The following ST8SIA1 variants were observed in gnomAD, a reference collection of about 807,000 sequenced individuals.
The protein encoded by ST8SIA1 is ST8 alpha-N-acetyl-neuraminide alpha-2,8-sialyltransferase 1.
In ST8SIA1, 16 loss-of-function variants were observed where a neutral mutation model predicts 35.9. The ratio of observed to expected loss-of-function variants is 0.45; its 90% CI spans 0.30 to 0.68. The LOEUF (loss-of-function observed/expected upper bound fraction) is 0.68, where lower values mean the gene tolerates loss of function less well. Among genes scored for constraint, ST8SIA1 ranks in the 30% least tolerant of loss-of-function variants. ST8SIA1 has a pLI of 0.09. For missense variants in ST8SIA1, 383 were observed against 453.6 expected, an observed-to-expected ratio of 0.84 and a Z score of 1.41; for synonymous variants, 170 against 169.6, an observed-to-expected ratio of 1.00 and a Z score of -0.02.
chr12:22,223,557 C>A (rs573110276), intron 4 of ST8SIA1: 64 of 1,050,156 alleles, frequency 6.1e-5, no homozygotes, highest in Non-Finnish European at 7.4e-5. Context: ...AATGAGGAGA[C>A]AGGGGCCCAT....
intron 1 of ST8SIA1, among the ~76,000 whole-genome samples, chr12:22,317,028 A>G (rs1478985777): frequency 6.6e-6 from 1 of 152,206 alleles, no homozygotes; most frequent in African/African-American, 2.4e-5. Flanking sequence ...ATGACCCAGA[A>G]ATCTTTCCTT....
intron 1 of ST8SIA1, among the ~76,000 whole-genome samples, chr12:22,310,779 T>C (rs1866439445): frequency 1.3e-5 from 2 of 151,926 alleles, no homozygotes; most frequent in South Asian, 4.2e-4. Flanking sequence ...CCTTTTCCCA[T>C]AAAAATAAAT....
At chr12:22,325,934 TG>T in intron 1 of ST8SIA1, 1 of 683,086 alleles carries the variant, frequency 1.5e-6, no homozygotes, top group Non-Finnish European at 2.6e-6. Flanking sequence ...GTGGAGACGC[TG>T]AACAAAGGGA....
At chr12:22,290,687 C>T (rs1233626163) in intron 1 of ST8SIA1, among the ~76,000 whole-genome samples, 1 of 152,132 alleles carries the variant, frequency 6.6e-6, no homozygotes, top group East Asian at 1.9e-4. Flanking sequence ...AGATTTGCAG[C>T]CTGTTGTTTT....
intron 1 of ST8SIA1, among the ~76,000 whole-genome samples, chr12:22,314,313 A>G (rs1050283450): frequency 6.6e-6 from 1 of 152,132 alleles, no homozygotes; most frequent in African/African-American, 2.4e-5. Context: ...TAACCCAGAG[A>G]GAAGAAAGCC....
At chr12:22,216,364 A>G (rs976972045) in intron 4 of ST8SIA1, among the ~76,000 whole-genome samples, 18 of 151,936 alleles carry the variant, frequency 1.2e-4, no homozygotes, top group Non-Finnish European at 1.3e-4. Flanking sequence ...GCTCGTCAGC[A>G]CTCCCTACCC....
chr12:22,321,383 C>A (rs967066316), intron 1 of ST8SIA1, among the ~76,000 whole-genome samples: 3 of 152,328 alleles, frequency 2.0e-5, no homozygotes, highest in African/African-American at 7.2e-5. Flanking sequence ...CGGAAGCAGC[C>A]ACCCCCAACA....
chr12:22,252,863 C>T (rs1865689895), intron 3 of ST8SIA1, among the ~76,000 whole-genome samples: 1 of 152,154 alleles, frequency 6.6e-6, no homozygotes, highest in Non-Finnish European at 1.5e-5. Context: ...CTCATGAATA[C>T]AAAAATACAC....
chr12:22,234,870 A>C (rs1379581908), intron 4 of ST8SIA1, among the ~76,000 whole-genome samples: 1 of 152,200 alleles, frequency 6.6e-6, no homozygotes, highest in East Asian at 1.9e-4. Flanking sequence ...AAAATATGGT[A>C]ATTTAACCAT....
chr12:22,334,193 C>G lies in ST8SIA1; in HGVS notation c.40G>C (p.Gly14Arg). ...CGRARRQTSR[G>R]AMAVLAWKFP... ...TTCCACGCCAGTACAGCCATGGCCC[C>G]TCTGGACGTTTGTCGCCGGGCCCGC... Residue 14 changes from glycine to arginine, a missense_variant, in exon 1 of 5, where the codon GGG becomes CGG. Transcript: ENST00000396037. 6.2e-7 allele frequency: 1 copy of G among 1,613,866 alleles called. No individual in the cohort carries two copies. Among genetic ancestry groups the G allele is most frequent in the Non-Finnish European group, 8.5e-7 (1 of 1,179,890 alleles).
chr12:22,321,327 A>G (rs1218901134), intron 1 of ST8SIA1, among the ~76,000 whole-genome samples: 1 of 152,232 alleles, frequency 6.6e-6, no homozygotes, highest in Non-Finnish European at 1.5e-5. Context: ...TGAAAGAACC[A>G]GAACACTTTG....
intron 1 of ST8SIA1, among the ~76,000 whole-genome samples, chr12:22,333,247 C>T (rs1866792274): frequency 6.6e-6 from 1 of 152,218 alleles, no homozygotes; most frequent in African/African-American, 2.4e-5. Flanking sequence ...CATCTCCCAT[C>T]TTCCAGAGGC....
chr12:22,291,222 G>A (rs939230792), intron 1 of ST8SIA1, among the ~76,000 whole-genome samples: 1 of 152,178 alleles, frequency 6.6e-6, no homozygotes, highest in African/African-American at 2.4e-5. Flanking sequence ...AAAGAAGGAT[G>A]AAAATCCAAC....
chr12:22,238,210 T>C (rs1865497528), intron 4 of ST8SIA1, among the ~76,000 whole-genome samples: 1 of 152,186 alleles, frequency 6.6e-6, no homozygotes, highest in African/African-American at 2.4e-5. Flanking sequence ...TTCTCTCTTG[T>C]ACCTGGGTGG....
At chr12:22,303,697 T>C (rs1866345593) in intron 1 of ST8SIA1, among the ~76,000 whole-genome samples, 1 of 152,186 alleles carries the variant, frequency 6.6e-6, no homozygotes, top group African/African-American at 2.4e-5. Flanking sequence ...TTTTGTTGTT[T>C]GTTTCTGTTT....
chr12:22,244,740 C>T (rs1865580193), intron 4 of ST8SIA1, among the ~76,000 whole-genome samples: 1 of 152,160 alleles, frequency 6.6e-6, no homozygotes, highest in Admixed American at 6.5e-5. Context: ...GCGTGAGCCA[C>T]CAGGCCCAGC....
intron 1 of ST8SIA1, among the ~76,000 whole-genome samples, chr12:22,318,869 A>G (rs1477453692): frequency 6.6e-6 from 1 of 152,232 alleles, no homozygotes; most frequent in Non-Finnish European, 1.5e-5. Flanking sequence ...AAGGTTCAGC[A>G]CAGTAAGGAA....
At chr12:22,287,427 A>AT in intron 1 of ST8SIA1, 134 bp from the exon 2 acceptor site, 1 of 723,446 alleles carries the variant, frequency 1.4e-6, no homozygotes, top group Non-Finnish European at 2.1e-6. Flanking sequence ...CTCCAGGGTG[A>AT]TTAGACTACT....
At position 22,193,469 on chromosome 12, in the gene ST8SIA1, G is replaced by T. The variant is rs1031701690; in HGVS notation, c.*8083C>A. On this transcript the variant is annotated 3_prime_UTR_variant, in exon 5 of 5. Coordinates refer to ENST00000396037, the MANE Select transcript of ST8SIA1 (RefSeq NM_003034.4). ...GGAGGTAGAGAAATTGAGACTTACC[G>T]AACCTTCTCACTGCCAGCCATAATT... The T allele has an allele frequency of 1.3e-5, 2 of 152,056 alleles. No individual in the cohort carries two copies. The highest frequency in any genetic ancestry group is 4.8e-5 in the African/African-American group (2 of 41,400). 9.4% of individuals were successfully genotyped at this position (152,056 alleles called of 1,614,324 possible).
Sources: allele counts gnomAD v4.1 joint callset (sites outside exome capture counted in the v4.1 genomes callset), GRCh38; gene constraint gnomAD v4.1.1; transcripts MANE v1.5; gene names NCBI Gene and HGNC (gene_info 2026-07-23, HGNC 2026-07-21).